The following IMMP2L variants were observed in gnomAD, a reference collection of about 807,000 sequenced individuals.
IMMP2L encodes the protein mitochondrial inner membrane protease subunit 2.
IMMP2L carries 18 observed loss-of-function variants against 19.3 expected under a neutral mutation model. The ratio of observed to expected loss-of-function variants is 0.93; its 90% CI spans 0.64 to 1.38. IMMP2L has a LOEUF of 1.38. IMMP2L is among the 40% of genes most tolerant of loss of function. The probability of loss-of-function intolerance (pLI) is 0.00; values close to 1 mark genes in which losing one functional copy is unlikely to be tolerated. For missense variants in IMMP2L, 233 were observed against 218.2 expected, an observed-to-expected ratio of 1.07 and a Z score of -0.43; for synonymous variants, 76 against 73.0, an observed-to-expected ratio of 1.04 and a Z score of -0.21.
chr7:110,675,211 T>A (rs1792214428), intron 5 of IMMP2L, among the ~76,000 whole-genome samples: 2 of 152,170 alleles, frequency 1.3e-5, no homozygotes, highest in Non-Finnish European at 2.9e-5. Flanking sequence ...TAGTGAGGTA[T>A]CATCAAAAGT....
chr7:111,454,478 CTATT>C lies in IMMP2L; in HGVS notation c.239+32756_239+32759del, dbSNP rs970097935. Among the ~76,000 whole-genome samples the C allele has an allele frequency of 5.3e-5, 8 of 152,072 alleles. No homozygotes were observed. The East Asian group carries it at 1.5e-3, about 29-fold the overall frequency. On this transcript the variant is annotated intron_variant, in intron 3 of 5. Coordinates refer to ENST00000405709, the MANE Select transcript of IMMP2L (RefSeq NM_032549.4). ...ATTAACCCCATTAAAAAATGGGAAA[CTATT>C]CATTCTCAACTCACTAAAGGAAGTA...
chr7:110,742,247 C>T (rs575989287), intron 5 of IMMP2L, among the ~76,000 whole-genome samples: 2 of 152,206 alleles, frequency 1.3e-5, no homozygotes, highest in East Asian at 3.9e-4. Flanking sequence ...TTTATAGCAA[C>T]ATTTCTGAAA....
At chr7:111,436,787 TTCTACAGGCTGTACAGGAA>T (rs1837214035) in intron 3 of IMMP2L, among the ~76,000 whole-genome samples, 1 of 151,806 alleles carries the variant, frequency 6.6e-6, no homozygotes, top group Admixed American at 6.6e-5. Context: ...TGGCTTACAG[TTCTACAGGCTGTACAGGAA>T]GCAGATTGCT....
At chr7:111,361,810 C>T (rs918747631) in intron 3 of IMMP2L, among the ~76,000 whole-genome samples, 1 of 152,082 alleles carries the variant, frequency 6.6e-6, no homozygotes, top group African/African-American at 2.4e-5. Context: ...AGATAATAAC[C>T]TTTCAGTAGG....
At chr7:111,108,039 T>G (rs1798746679) in intron 3 of IMMP2L, among the ~76,000 whole-genome samples, 1 of 152,154 alleles carries the variant, frequency 6.6e-6, no homozygotes, top group South Asian at 2.1e-4. Flanking sequence ...TACAATACTG[T>G]TTTTGTTTTT....
intron 4 of IMMP2L, among the ~76,000 whole-genome samples, chr7:110,902,502 A>ATATATATAT (rs1811986550): frequency 2.8e-5 from 4 of 143,516 alleles, no homozygotes; most frequent in Admixed American, 1.4e-4. Context: ...ATATATATAT[A>ATATATATAT]GTATCAAGGG....
intron 3 of IMMP2L, among the ~76,000 whole-genome samples, chr7:111,195,706 G>A (rs998913201): frequency 0.075 from 18 of 240 alleles, no homozygotes; most frequent in Admixed American, 0.33. Flanking sequence ...GAGTGTCGAC[G>A]ATTCTAAAAT....
intron 1 of IMMP2L, among the ~76,000 whole-genome samples, chr7:111,556,385 T>C (rs1791363434): frequency 6.6e-6 from 1 of 152,082 alleles, no homozygotes; most frequent in Non-Finnish European, 1.5e-5. Context: ...CATTTTACTA[T>C]TTACATGTAT....
At chr7:111,044,693 T>C (rs1044660340) in intron 3 of IMMP2L, among the ~76,000 whole-genome samples, 1 of 152,228 alleles carries the variant, frequency 6.6e-6, no homozygotes, top group Non-Finnish European at 1.5e-5. Flanking sequence ...GAGTGACAGA[T>C]GCACAACACT....
chr7:111,363,315 G>T (rs1172211924), intron 3 of IMMP2L, among the ~76,000 whole-genome samples: 1 of 152,010 alleles, frequency 6.6e-6, no homozygotes, highest in Admixed American at 6.6e-5. Flanking sequence ...CAAACATACT[G>T]AATCAGAATC....
chr7:111,114,482 AAT>A (rs1799612478), intron 3 of IMMP2L, among the ~76,000 whole-genome samples: 1 of 152,186 alleles, frequency 6.6e-6, no homozygotes, highest in Admixed American at 6.5e-5. Flanking sequence ...CCACACCTGT[AAT>A]CCCAGCACTT....
chr7:111,108,002 T>C (rs569349730), intron 3 of IMMP2L, among the ~76,000 whole-genome samples: 1 of 152,294 alleles, frequency 6.6e-6, no homozygotes, highest in African/African-American at 2.4e-5. Context: ...ATCAACTTTT[T>C]CTTAACCGAG....
chr7:111,129,977 C>T (rs1409116303), intron 3 of IMMP2L, among the ~76,000 whole-genome samples: 1 of 152,030 alleles, frequency 6.6e-6, no homozygotes, highest in East Asian at 1.9e-4. Flanking sequence ...TTACAATATA[C>T]ACAGAAGGCT....
chr7:111,506,758 C>T (rs1844946833), intron 2 of IMMP2L, among the ~76,000 whole-genome samples: 1 of 152,112 alleles, frequency 6.6e-6, no homozygotes, highest in Admixed American at 6.5e-5. Context: ...TGGCACAAAG[C>T]CCTGAAGAGT....
intron 1 of IMMP2L, among the ~76,000 whole-genome samples, chr7:111,525,987 C>G (rs1846810627): frequency 6.6e-6 from 1 of 152,034 alleles, no homozygotes; most frequent in Non-Finnish European, 1.5e-5. Flanking sequence ...CACTCCACCC[C>G]CACCCCCAAA....
intron 3 of IMMP2L, among the ~76,000 whole-genome samples, chr7:110,986,674 G>C (rs576332523): frequency 1.3e-5 from 2 of 152,228 alleles, no homozygotes; most frequent in African/African-American, 4.8e-5. Context: ...ACAAACTCCA[G>C]AGTTGGGAAA....
intron 3 of IMMP2L, among the ~76,000 whole-genome samples, chr7:111,341,420 TA>T (rs1826997487): frequency 6.6e-6 from 1 of 152,050 alleles, no homozygotes; most frequent in Admixed American, 6.6e-5. Flanking sequence ...AATCAATGTT[TA>T]AAAAAACATA....
At chr7:111,508,044 G>A (rs1404958540) in intron 2 of IMMP2L, among the ~76,000 whole-genome samples, 1 of 152,018 alleles carries the variant, frequency 6.6e-6, no homozygotes, top group Non-Finnish European at 1.5e-5. Context: ...GATTCACTAT[G>A]GAATCATTAC....
At chr7:111,452,373 C>G (rs898165518) in intron 3 of IMMP2L, among the ~76,000 whole-genome samples, 1 of 152,106 alleles carries the variant, frequency 6.6e-6, no homozygotes, top group Non-Finnish European at 1.5e-5. Context: ...TTAGAATTCC[C>G]TAAGCAAACC....
Sources: gnomAD v4.1 joint callset for allele counts (sites outside exome capture counted in the v4.1 genomes callset) on GRCh38, gnomAD v4.1.1 for gene constraint, MANE v1.5 for transcripts, NCBI Gene and HGNC (gene_info 2026-07-23, HGNC 2026-07-21) for gene names.